The following MTPN variants were observed in gnomAD, a reference collection of about 807,000 sequenced individuals.
MTPN encodes the protein myotrophin, also known as granule cell differentiation protein.
Under a neutral mutation model 13.5 loss-of-function variants are expected in MTPN, and 2 were observed. The observed-to-expected ratio is 0.15, with a 90% CI of 0.06 to 0.47. The LOEUF is 0.47. Ranked by LOEUF, MTPN falls within the 20% of genes least tolerant of loss-of-function variation. The probability of loss-of-function intolerance (pLI) is 0.97; values close to 1 mark genes in which losing one functional copy is unlikely to be tolerated. For synonymous variants in MTPN, 46 were observed against 51.7 expected, an observed-to-expected ratio of 0.89 and a Z score of 0.48; for missense variants, 79 against 137.9, an observed-to-expected ratio of 0.57 and a Z score of 2.14.
chr7:135,950,503 T>C, intron 3 of MTPN, 96 bp downstream of exon 3: 1 of 998,104 alleles, frequency 1.0e-6, no homozygotes, highest in Non-Finnish European at 1.5e-6. Flanking sequence ...CAGTTTTCTG[T>C]CCCTGCTGCC....
chr7:135,951,671 G>C, intron 1 of MTPN, 41 bp from the exon 2 acceptor site: 2 of 1,329,712 alleles, frequency 1.5e-6, no homozygotes, highest in East Asian at 2.3e-5. Flanking sequence ...TATATGAATG[G>C]AAGACTGAAG....
rs1159206999 is a variant in MTPN at position 135,950,720 on chromosome 7, T to A, written c.187-38A>T. 4 of 1,482,034 alleles carry A rather than the reference T, an allele frequency of 2.7e-6. No homozygotes were observed. In the African/African-American group the frequency reaches 4.2e-5, roughly 16 times the overall value. The allele number at this position is 1,482,034 out of a possible 1,614,324, so 91.8% of individuals were successfully genotyped here. A position where few individuals can be genotyped will look rare whatever the true frequency, so the allele number is the denominator to read the frequency against. On this transcript the variant is annotated intron_variant, in intron 2 of 3. Transcript: ENST00000393085. ...AAACAGAGATAACTTTATCTGTTTT[T>A]CATTTCTTCCTACTTTCTAGTTTTA...
intron 1 of MTPN, among the ~76,000 whole-genome samples, chr7:135,957,846 T>C (rs570986172): frequency 2.7e-4 from 41 of 152,216 alleles, no homozygotes; most frequent in African/African-American, 8.2e-4. Flanking sequence ...TCTCTCACCA[T>C]GTGATCTCTC....
Position 135,949,345 on chromosome 7 carries a change from A to G in MTPN, c.270+1254T>C, listed in dbSNP as rs114260562. 8.0e-3 allele frequency among the ~76,000 whole-genome samples: 1,221 copies of G among 152,332 alleles called. 11 individuals carry two copies. Among genetic ancestry groups the G allele is most frequent in the African/African-American group, 0.029 (1,185 of 41,578 alleles). ...TTTCGCAGATCTTGGGGAGGGATGAACAGTAAAGAGAAAGACAGTGACTGG... is the reference window on the plus strand; with the variant it reads ...TTTCGCAGATCTTGGGGAGGGATGAGCAGTAAAGAGAAAGACAGTGACTGG... On this transcript the variant is annotated intron_variant, in intron 3 of 3. Transcript: ENST00000393085.
rs1798939814 is a variant in MTPN, at chr7:135,927,542, T to C, written c.*2384A>G. ...TTACTTAACCTTTCGCTAATGCATG[T>C]AGTACCAGAAAGCAAACATGGTTTT... On this transcript the variant is annotated 3_prime_UTR_variant, in exon 4 of 4. Coordinates refer to ENST00000393085, the MANE Select transcript of MTPN (RefSeq NM_145808.4). The C allele has an allele frequency of 2.5e-6, 2 of 801,888 alleles. No individual in the cohort carries two copies. Among genetic ancestry groups the C allele is most frequent in the Non-Finnish European group, 4.1e-6 (2 of 484,802 alleles). 49.7% of individuals were successfully genotyped at this position (801,888 alleles called of 1,614,324 possible).
chr7:135,963,237 G>A (rs567491691), intron 1 of MTPN, among the ~76,000 whole-genome samples: 1 of 152,064 alleles, frequency 6.6e-6, no homozygotes, highest in South Asian at 2.1e-4. Flanking sequence ...TTTAAAAAAT[G>A]ACAGATCCAT....
At chr7:135,941,810 T>C (rs1172512867) in intron 3 of MTPN, among the ~76,000 whole-genome samples, 1 of 151,930 alleles carries the variant, frequency 6.6e-6, no homozygotes, top group Non-Finnish European at 1.5e-5. Context: ...GGAAATAGGA[T>C]GGGCTAAAGC....
chr7:135,956,274 A>T (rs140640905), intron 1 of MTPN, among the ~76,000 whole-genome samples: 35 of 152,340 alleles, frequency 2.3e-4, no homozygotes, highest in African/African-American at 8.2e-4. Flanking sequence ...TTTAGGCCTT[A>T]GTGACATTAG....
At chr7:135,959,949 T>G (rs953704480) in intron 1 of MTPN, among the ~76,000 whole-genome samples, 1 of 152,066 alleles carries the variant, frequency 6.6e-6, no homozygotes, top group Non-Finnish European at 1.5e-5. Context: ...TGCCAAGTTG[T>G]TTTTTCCTTC....
intron 3 of MTPN, among the ~76,000 whole-genome samples, chr7:135,938,927 C>T (rs1799157972): frequency 6.6e-6 from 1 of 152,050 alleles, no homozygotes; most frequent in African/African-American, 2.4e-5. Context: ...TATATAATAC[C>T]CTTAAGAAAT....
At chr7:135,932,967 G>A (rs73162991) in intron 3 of MTPN, 12,022 of 152,046 alleles carry the variant, frequency 0.079, 530 homozygotes, top group South Asian at 0.15. Flanking sequence ...GCACACGCCT[G>A]TAATCCTAGC....
chr7:135,973,743 T>C (rs758016882), intron 1 of MTPN, among the ~76,000 whole-genome samples: 5 of 152,190 alleles, frequency 3.3e-5, no homozygotes, highest in Non-Finnish European at 5.9e-5. Flanking sequence ...AAATGAGATG[T>C]TATTTATAAT....
At chr7:135,968,574 T>G (rs1176890106) in intron 1 of MTPN, among the ~76,000 whole-genome samples, 1 of 152,142 alleles carries the variant, frequency 6.6e-6, no homozygotes, top group Non-Finnish European at 1.5e-5. Context: ...CATCACCAAT[T>G]TTGCTGTGAT....
rs1332111678 is a variant in MTPN, at chr7:135,975,250, T to C, written c.72+1779A>G. ...AATATTTTTGTGTAGTTGAGAATTC[T>C]TTGGGCACAATTTACCTGCCTGAAT... is the stretch of plus-strand genomic sequence containing the variant. On this transcript the variant is annotated intron_variant, in intron 1 of 3. Transcript: ENST00000393085. Among the ~76,000 whole-genome samples the C allele has an allele frequency of 2.6e-5, 4 of 152,370 alleles. No homozygotes were observed. In the South Asian group the frequency reaches 8.3e-4, roughly 32 times the overall value.
At chr7:135,950,083 C>T (rs1799341065) in intron 3 of MTPN, among the ~76,000 whole-genome samples, 1 of 152,000 alleles carries the variant, frequency 6.6e-6, no homozygotes, top group East Asian at 1.9e-4. Flanking sequence ...CTTATAATAG[C>T]AAAGACAAAA....
intron 3 of MTPN, among the ~76,000 whole-genome samples, chr7:135,943,288 G>A (rs1266891633): frequency 1.3e-5 from 2 of 152,078 alleles, no homozygotes; most frequent in Non-Finnish European, 2.9e-5. Context: ...CTGCAGGCAC[G>A]CCAATTTGCT....
In MTPN at chr7:135,973,681, CCTTATTTTCTGGCTTTCA is replaced by C. The variant is rs575636173; in HGVS notation, c.72+3330_72+3347del. Among the ~76,000 whole-genome samples the C allele has an allele frequency of 1.0e-3, 158 of 152,216 alleles. 1 individual carries two copies. The highest frequency in any genetic ancestry group is 8.3e-4 in the South Asian group (4 of 4,828). On this transcript the variant is annotated intron_variant, in intron 1 of 3. Transcript: ENST00000393085. Reference sequence around the variant, plus strand: ...TATCTCTTATAGCTGCTCATGAATACCTTATTTTCTGGCTTTCACTTGTTTTCCAGCCGGACAACTGAA... The same window carrying C: ...TATCTCTTATAGCTGCTCATGAATACCTTGTTTTCCAGCCGGACAACTGAA...
At chr7:135,937,370 T>TAC (rs35704525) in intron 3 of MTPN, among the ~76,000 whole-genome samples, 10,636 of 144,406 alleles carry the variant, frequency 0.074, 348 homozygotes, top group Admixed American at 0.1. Context: ...GCTAACTGGA[T>TAC]ACACACACAC....
intron 1 of MTPN, among the ~76,000 whole-genome samples, chr7:135,974,177 T>TTA (rs1220838813): frequency 2.6e-5 from 4 of 152,244 alleles, no homozygotes; most frequent in East Asian, 3.9e-4. Context: ...ACTTCGAACT[T>TTA]TAATAGAGAA....
Sources: allele counts gnomAD v4.1 joint callset (sites outside exome capture counted in the v4.1 genomes callset), GRCh38; gene constraint gnomAD v4.1.1; transcripts MANE v1.5; gene names NCBI Gene and HGNC (gene_info 2026-07-23, HGNC 2026-07-21).